The following NCALD variants were observed in gnomAD, a reference collection of about 807,000 sequenced individuals.
The protein encoded by NCALD is neurocalcin-delta.
A neutral mutation model predicts 18.6 loss-of-function variants in NCALD; 10 were observed. That is an observed-to-expected ratio of 0.54 (90% CI 0.33 to 0.91). NCALD has a LOEUF of 0.91. Ranked by LOEUF, NCALD falls within the 40% of genes least tolerant of loss-of-function variation. The probability of loss-of-function intolerance (pLI) is 0.03; values close to 1 mark genes in which losing one functional copy is unlikely to be tolerated. For missense variants in NCALD, 184 were observed against 247.6 expected (o/e 0.74, Z 1.72); for synonymous variants, 88 against 87.4 (o/e 1.01, Z -0.04).
intron 2 of NCALD, among the ~76,000 whole-genome samples, chr8:101,701,533 G>A (rs1310746910): frequency 6.6e-6 from 1 of 152,142 alleles, no homozygotes; most frequent in Non-Finnish European, 1.5e-5. Flanking sequence ...CAGCTTCCTT[G>A]TGGTCTACAT....
intron 1 of NCALD, among the ~76,000 whole-genome samples, chr8:102,028,519 T>TCCC (rs1822544884): frequency 1.3e-5 from 2 of 152,364 alleles, no homozygotes; most frequent in African/African-American, 4.8e-5. Context: ...GGATTGTTTA[T>TCCC]CAAACCCTTG....
intron 1 of NCALD, among the ~76,000 whole-genome samples, chr8:101,738,648 T>C (rs956599758): frequency 6.6e-6 from 1 of 151,880 alleles, no homozygotes; most frequent in Non-Finnish European, 1.5e-5. Flanking sequence ...GTTGGCTTGC[T>C]TACACAGGAG....
chr8:101,997,334 CA>C (rs1821274330), intron 2 of NCALD, among the ~76,000 whole-genome samples: 1 of 152,002 alleles, frequency 6.6e-6, no homozygotes, highest in African/African-American at 2.4e-5. Context: ...AACTAATGAA[CA>C]ATGTAAATAC....
intron 4 of NCALD, among the ~76,000 whole-genome samples, chr8:101,801,167 G>A (rs4734596): frequency 0.79 from 120,815 of 152,012 alleles, 48,159 homozygotes; most frequent in African/African-American, 0.85. Context: ...TAAGCAAGAA[G>A]TGCTACTAAA....
At chr8:101,807,781 T>G (rs1180574967) in intron 4 of NCALD, among the ~76,000 whole-genome samples, 1 of 152,194 alleles carries the variant, frequency 6.6e-6, no homozygotes, top group Non-Finnish European at 1.5e-5. Context: ...ATAATTTACA[T>G]AGCACTTTCA....
At chr8:101,724,122 G>A (rs1816475666) in intron 1 of NCALD, among the ~76,000 whole-genome samples, 1 of 152,220 alleles carries the variant, frequency 6.6e-6, no homozygotes, top group Non-Finnish European at 1.5e-5. Context: ...TTGTGGAACT[G>A]TTGTTCTCTG....
intron 2 of NCALD, among the ~76,000 whole-genome samples, chr8:101,697,241 C>T (rs1815039874): frequency 6.6e-6 from 1 of 152,044 alleles, no homozygotes; most frequent in Non-Finnish European, 1.5e-5. Flanking sequence ...CAAGACTAAA[C>T]CAGAAAGAAG....
intron 2 of NCALD, among the ~76,000 whole-genome samples, chr8:101,926,783 TTAGGGA>T (rs1034853345): frequency 1.3e-5 from 2 of 152,070 alleles, no homozygotes; most frequent in African/African-American, 4.8e-5. Context: ...AGGGTTAGGG[TTAGGGA>T]TAAGGAGGTG....
intron 1 of NCALD, among the ~76,000 whole-genome samples, chr8:102,100,332 C>G (rs1224926860): frequency 6.6e-6 from 1 of 152,120 alleles, no homozygotes; most frequent in Non-Finnish European, 1.5e-5. Context: ...TATCCAGATT[C>G]TTTTATTAAT....
chr8:101,688,791 C>T lies in NCALD; in HGVS notation c.*518G>A. On this transcript the variant is annotated 3_prime_UTR_variant, in exon 4 of 4. Coordinates refer to ENST00000220931, the MANE Select transcript of NCALD (RefSeq NM_032041.3). ...CTGCTGGGGAAGAGAGGGGAGTGGG[C>T]CCCCATGGGGAAATGTCCCAGCTCG... The T allele has an allele frequency of 1.6e-6, 1 of 606,066 alleles. No homozygotes were observed. Among genetic ancestry groups the T allele is most frequent in the Non-Finnish European group, 3.1e-6 (1 of 325,602 alleles). The allele number at this position is 606,066 out of a possible 1,614,324, so 37.5% of individuals were successfully genotyped here.
At chr8:101,872,091 G>A in intron 4 of NCALD, 2 of 1,561,428 alleles carry the variant, frequency 1.3e-6, no homozygotes. Context: ...TGGGTATGCA[G>A]GTGGTTGAAT....
Position 101,691,246 on chromosome 8 carries a change from T to C in NCALD, c.484+1545A>G, listed in dbSNP as rs909881019. The C allele has an allele frequency of 1.1e-5, 11 of 984,094 alleles. 1 individual carries two copies. In the South Asian group the frequency reaches 2.8e-4, roughly 25 times the overall value. The allele number at this position is 984,094 out of a possible 1,614,324, so 61.0% of individuals were successfully genotyped here. On this transcript the variant is annotated intron_variant, in intron 3 of 3. Coordinates refer to ENST00000220931, the MANE Select transcript of NCALD (RefSeq NM_032041.3). The stretch of plus-strand genomic sequence containing the variant: ...CCCTCTTCCTCCTTCCTTCTACAGC[T>C]CCCACCCCCCTCTCCCAACCCTAAC...
At chr8:102,011,032 A>G (rs1468642680) in intron 2 of NCALD, among the ~76,000 whole-genome samples, 1 of 152,162 alleles carries the variant, frequency 6.6e-6, no homozygotes, top group Non-Finnish European at 1.5e-5. Flanking sequence ...TTAATCATGT[A>G]GTTGAGGAGG....
In NCALD at chr8:101,811,745, G is replaced by C. The variant is rs111380838; in HGVS notation, c.-20+75396C>G. Among the ~76,000 whole-genome samples, 870 of 152,206 alleles carry C rather than the reference G, an allele frequency of 5.7e-3. 11 individuals are homozygous for C. Among genetic ancestry groups the C allele is most frequent in the African/African-American group, 0.018 (765 of 41,514 alleles). On this transcript the variant is annotated intron_variant, in intron 4 of 6. Transcript: ENST00000311028. ...TTCCAGCTGGGAGTGAACCCATTAC[G>C]GAAAAACCTACTGCAGGGTCTTCAC...
At chr8:101,765,125 A>G (rs986513090) in intron 1 of NCALD, among the ~76,000 whole-genome samples, 2 of 152,192 alleles carry the variant, frequency 1.3e-5, no homozygotes, top group Admixed American at 6.5e-5. Flanking sequence ...CAAGATGTAT[A>G]ATACAGTTAT....
intron 1 of NCALD, among the ~76,000 whole-genome samples, chr8:102,057,692 C>A (rs777018925): frequency 8.5e-5 from 13 of 152,244 alleles, no homozygotes; most frequent in Middle Eastern, 3.2e-3. Flanking sequence ...GTTAAAATTA[C>A]TTCTTTTAAT....
intron 2 of NCALD, among the ~76,000 whole-genome samples, chr8:101,918,599 G>T (rs1818053513): frequency 6.6e-6 from 1 of 152,102 alleles, no homozygotes; most frequent in South Asian, 2.1e-4. Context: ...TAAAGACTCT[G>T]TCCAAAGGCT....
intron 1 of NCALD, among the ~76,000 whole-genome samples, chr8:101,739,655 C>G (rs1055021059): frequency 2.7e-4 from 41 of 150,886 alleles, no homozygotes; most frequent in Non-Finnish European, 2.7e-4. Context: ...TGCCCTGGAA[C>G]ATCACACTCC....
intron 2 of NCALD, among the ~76,000 whole-genome samples, chr8:101,978,697 T>G (rs2131929573): frequency 6.6e-6 from 1 of 152,274 alleles, no homozygotes; most frequent in South Asian, 2.1e-4. Context: ...GCCTCTAACA[T>G]GCATGAGGGG....
Sources: allele counts gnomAD v4.1 joint callset (sites outside exome capture counted in the v4.1 genomes callset), GRCh38; gene constraint gnomAD v4.1.1; transcripts MANE v1.5; gene names NCBI Gene and HGNC (gene_info 2026-07-23, HGNC 2026-07-21).